The following CD99L2 variants were observed in gnomAD, a reference collection of about 807,000 sequenced individuals.
CD99L2 encodes the protein CD99 antigen-like protein 2.
In CD99L2, 24 loss-of-function variants were observed where a neutral mutation model predicts 27.3. That is an observed-to-expected ratio of 0.88 (90% confidence interval 0.64 to 1.24). The LOEUF is 1.24. Among genes scored for constraint, CD99L2 ranks in the 50% most tolerant of loss-of-function variants. The pLI, the probability that CD99L2 is intolerant of heterozygous loss-of-function variation, is 0.00. For synonymous variants in CD99L2, 97 were observed against 87.9 expected (o/e 1.10, Z -0.58); for missense variants, 255 against 221.6 (o/e 1.15, Z -0.96).
intron 1 of CD99L2, among the ~76,000 whole-genome samples, chrX:150,841,573 A>G (rs1413476945): frequency 8.9e-5 from 10 of 112,021 alleles, no homozygotes; most frequent in African/African-American, 3.2e-4. Flanking sequence ...TCCTCACCCA[A>G]GAATTGCAAA....
Position 150,815,996 on chromosome X carries a change from A to AGCCACATTACCT in CD99L2, c.201_202+10dup, listed in dbSNP as rs782541176. 5.0e-6 allele frequency: 6 copies of AGCCACATTACCT among 1,210,670 alleles called. No homozygotes were observed. The Admixed American group carries it at 1.3e-4, about 26-fold the overall frequency. ...CCTTCCTCACTGCCCTCCTTAAGGC[A>AGCCACATTACCT]GCCACATTACCTGGAGGTTTTGCCG... is the stretch of plus-strand genomic sequence containing the variant. On this transcript the variant is annotated intron_variant, in intron 3 of 10. Transcript: ENST00000370377.
In CD99L2 at chrX:150,816,049, T is replaced by C. The variant is rs2046149444; in HGVS notation, c.160A>G (p.Thr54Ala). ...GCTCTGGTGGTTCCTGGCCTATTGG[T>C]TGTGGTGGTGGTGGTGTGGTCCCAT... is the stretch of plus-strand genomic sequence containing the variant. ...QPWDHTTTTT[T>A]NRPGTTRAPA... The change falls in exon 3 of 11, where the codon ACC becomes GCC. Residue 54 changes from threonine (T) to alanine (A), a missense_variant. Physicochemically the swap from Thr to Ala is moderately conservative, Grantham distance 58 (BLOSUM62 0). Transcript: ENST00000370377. 2.5e-6 allele frequency: 3 copies of C among 1,210,895 alleles called. No individual in the cohort carries two copies. The highest frequency in any genetic ancestry group is 1.8e-5 in the South Asian group (1 of 56,942).
intron 1 of CD99L2, among the ~76,000 whole-genome samples, chrX:150,850,332 T>A (rs1458310424): frequency 9.0e-6 from 1 of 111,510 alleles, no homozygotes; most frequent in African/African-American, 3.3e-5. Context: ...CACCTCACCA[T>A]TAAGGCCAGC....
chrX:150,839,593 T>G (rs1449935021), intron 1 of CD99L2, among the ~76,000 whole-genome samples: 1 of 111,605 alleles, frequency 9.0e-6, no homozygotes, highest in Non-Finnish European at 1.9e-5. Context: ...ATAGGCTTGG[T>G]ACAGTAGCTC....
intron 1 of CD99L2, among the ~76,000 whole-genome samples, chrX:150,840,468 T>C (rs1235593474): frequency 9.1e-6 from 1 of 110,013 alleles, no homozygotes; most frequent in Non-Finnish European, 1.9e-5. Context: ...TGGATTGCAG[T>C]GGTGCAATCA....
intron 7 of CD99L2, among the ~76,000 whole-genome samples, chrX:150,781,173 G>A (rs1345297636): frequency 2.7e-5 from 3 of 111,573 alleles, no homozygotes; most frequent in Non-Finnish European, 5.7e-5. Context: ...CCACTGACAC[G>A]GTATTTTAGA....
chrX:150,803,069 T>A (rs1279924237), intron 4 of CD99L2, among the ~76,000 whole-genome samples: 3 of 105,814 alleles, frequency 2.8e-5, no homozygotes, highest in African/African-American at 1.0e-4. Flanking sequence ...CTAATTTTTG[T>A]ATTTTTATTA....
chrX:150,856,359 G>T (rs913241789), intron 1 of CD99L2, among the ~76,000 whole-genome samples: 77 of 111,829 alleles, frequency 6.9e-4, no homozygotes, highest in African/African-American at 2.2e-3. Flanking sequence ...TGAGGCCACA[G>T]CACCTAAGGC....
chrX:150,839,142 A>G (rs782056015), intron 1 of CD99L2, among the ~76,000 whole-genome samples: 1 of 111,825 alleles, frequency 8.9e-6, no homozygotes, highest in East Asian at 2.8e-4. Context: ...GAAAAGAGCA[A>G]TATTTTATGG....
intron 1 of CD99L2, among the ~76,000 whole-genome samples, chrX:150,896,423 A>G (rs782668753): frequency 1.9e-4 from 21 of 112,442 alleles, no homozygotes; most frequent in Admixed American, 6.6e-4. Flanking sequence ...TTAATTAAAA[A>G]TAATTTAAAC....
intron 1 of CD99L2, among the ~76,000 whole-genome samples, chrX:150,861,905 CAA>C (rs1344952307): frequency 1.2e-5 from 1 of 82,752 alleles, no homozygotes. Flanking sequence ...GACTCTTTCT[CAA>C]AAAAAAAAAA....
intron 7 of CD99L2, among the ~76,000 whole-genome samples, chrX:150,785,987 T>A (rs2045587982): frequency 1.8e-5 from 2 of 111,601 alleles, no homozygotes; most frequent in East Asian, 2.8e-4. Context: ...GGGCAGAACA[T>A]AGCTCTCATT....
intron 7 of CD99L2, among the ~76,000 whole-genome samples, chrX:150,785,426 T>C (rs1446955906): frequency 8.9e-6 from 1 of 112,068 alleles, no homozygotes; most frequent in African/African-American, 3.2e-5. Flanking sequence ...TTGTAACACA[T>C]GTCAAAGTTA....
At chrX:150,824,154 A>C (rs1260117064) in intron 2 of CD99L2, among the ~76,000 whole-genome samples, 2 of 11,376 alleles carry the variant, frequency 1.8e-4, no homozygotes, top group East Asian at 5.9e-3. Flanking sequence ...AGAAGGAAGG[A>C]GGAGGAGGAG....
At chrX:150,770,006 G>C (rs182130580) in intron 10 of CD99L2, among the ~76,000 whole-genome samples, 1 of 112,909 alleles carries the variant, frequency 8.9e-6, no homozygotes, top group Non-Finnish European at 1.9e-5. Context: ...AATTGTATTC[G>C]CTGATGGGGA....
chrX:150,791,157 A>G (rs1004654334), intron 7 of CD99L2, among the ~76,000 whole-genome samples: 9 of 112,101 alleles, frequency 8.0e-5, no homozygotes, highest in African/African-American at 2.6e-4. Flanking sequence ...ACTGTGAGAA[A>G]CAAATGTCTG....
In CD99L2 at chrX:150,894,037, G is replaced by A. The variant is rs782653355; in HGVS notation, c.67+4485C>T. ...GGCCACAATTCAGCCTTTTTAAAGT[G>A]TACAATTCATGGTTTTTAGTACATT... On this transcript the variant is annotated intron_variant, in intron 1 of 10. Transcript: ENST00000370377. 2.7e-5 allele frequency among the ~76,000 whole-genome samples: 3 copies of A among 111,569 alleles called. No homozygotes were observed. The East Asian group carries it at 8.5e-4, about 32-fold the overall frequency.
intron 4 of CD99L2, among the ~76,000 whole-genome samples, chrX:150,798,377 C>A (rs1321970173): frequency 9.1e-6 from 1 of 109,819 alleles, no homozygotes; most frequent in African/African-American, 3.3e-5. Flanking sequence ...CAGATATAAA[C>A]CCTTGCATAT....
At chrX:150,853,147 G>A (rs1386694774) in intron 1 of CD99L2, among the ~76,000 whole-genome samples, 1 of 111,798 alleles carries the variant, frequency 8.9e-6, no homozygotes, top group African/African-American at 3.3e-5. Flanking sequence ...ACCCAGACTT[G>A]CACCTTCAGA....
Sources: allele counts gnomAD v4.1 joint callset (sites outside exome capture counted in the v4.1 genomes callset), GRCh38; gene constraint gnomAD v4.1.1; transcripts MANE v1.5; gene names NCBI Gene and HGNC (gene_info 2026-07-23, HGNC 2026-07-21).